The following EYA1 variants were observed in gnomAD, a reference collection of about 807,000 sequenced individuals.
The protein encoded by EYA1 is EYA transcriptional coactivator and phosphatase 1.
Under a neutral mutation model 82.0 loss-of-function variants are expected in EYA1, and 16 were observed. The ratio of observed to expected loss-of-function variants is 0.20; its 90% CI spans 0.13 to 0.30. EYA1 has a LOEUF of 0.30. EYA1 is among the 10% of genes least tolerant of loss of function. The pLI, the probability that EYA1 is intolerant of heterozygous loss-of-function variation, is 1.00. For missense variants in EYA1, 633 were observed against 730.7 expected, an observed-to-expected ratio of 0.87 and a Z score of 1.54; for synonymous variants, 261 against 264.4, an observed-to-expected ratio of 0.99 and a Z score of 0.12.
intron 2 of EYA1, among the ~76,000 whole-genome samples, chr8:71,434,852 A>C (rs1805887043): frequency 6.6e-6 from 1 of 152,150 alleles, no homozygotes; most frequent in Non-Finnish European, 1.5e-5. Flanking sequence ...ACGGGAGGGA[A>C]TACAAGTTTT....
intron 2 of EYA1, among the ~76,000 whole-genome samples, chr8:71,468,845 A>T (rs1808968108): frequency 6.6e-6 from 1 of 152,072 alleles, no homozygotes; most frequent in Non-Finnish European, 1.5e-5. Context: ...TACTTATCAA[A>T]TTTTTACATT....
chr8:71,460,088 C>T (rs1033331100), intron 2 of EYA1, among the ~76,000 whole-genome samples: 1 of 152,126 alleles, frequency 6.6e-6, no homozygotes, highest in Admixed American at 6.5e-5. Context: ...ATTTTTTGCG[C>T]CCCCAGCATT....
intron 6 of EYA1, among the ~76,000 whole-genome samples, chr8:71,318,271 G>C (rs1257349180): frequency 6.6e-6 from 1 of 152,088 alleles, no homozygotes; most frequent in Non-Finnish European, 1.5e-5. Flanking sequence ...TGAATATCTA[G>C]GTCCTATCAG....
chr8:71,233,441 G>T (rs184743089), intron 12 of EYA1, among the ~76,000 whole-genome samples: 1 of 151,938 alleles, frequency 6.6e-6, no homozygotes, highest in Non-Finnish European at 1.5e-5. Context: ...GTGGGCGCCT[G>T]TATTCCCAGC....
At chr8:71,302,519 A>T (rs1284320454) in intron 7 of EYA1, among the ~76,000 whole-genome samples, 5 of 100,872 alleles carry the variant, frequency 5.0e-5, no homozygotes, top group South Asian at 3.1e-4. Flanking sequence ...GCAGGCTGAG[A>T]TTCCATTCCA....
At chr8:71,389,686 G>T (rs1361840421) in intron 2 of EYA1, among the ~76,000 whole-genome samples, 1 of 152,174 alleles carries the variant, frequency 6.6e-6, no homozygotes, top group Non-Finnish European at 1.5e-5. Flanking sequence ...ATGTACGACT[G>T]GTGACAGATA....
chr8:71,428,189 C>T (rs78180405), intron 2 of EYA1, among the ~76,000 whole-genome samples: 18 of 152,034 alleles, frequency 1.2e-4, no homozygotes, highest in African/African-American at 4.1e-4. Context: ...CTTTGGTTAA[C>T]GTTATTTTGT....
At position 71,199,173 on chromosome 8, in the gene EYA1, C is replaced by T. The variant is rs1004236880; in HGVS notation, c.*167G>A. ...TCAACAGCTGTTCTGATGAAATAGA[C>T]GTGGTCCTCCATTCACCACAAAGGC... On this transcript the variant is annotated 3_prime_UTR_variant, in exon 18 of 18. Transcript: ENST00000340726. 1.5e-5 allele frequency: 10 copies of T among 676,486 alleles called. No homozygotes were observed. Among genetic ancestry groups the T allele is most frequent in the Admixed American group, 1.0e-4 (5 of 48,830 alleles). 41.9% of individuals were successfully genotyped at this position (676,486 alleles called of 1,614,324 possible). A position where few individuals can be genotyped will look rare whatever the true frequency, so the allele number is the denominator to read the frequency against.
intron 2 of EYA1, among the ~76,000 whole-genome samples, chr8:71,460,075 A>G (rs1364458534): frequency 1.3e-5 from 2 of 152,226 alleles, no homozygotes; most frequent in Non-Finnish European, 2.9e-5. Context: ...AAAGCATTTG[A>G]ACATTTTTTG....
At chr8:71,458,665 G>A (rs1808139670) in intron 2 of EYA1, among the ~76,000 whole-genome samples, 1 of 152,164 alleles carries the variant, frequency 6.6e-6, no homozygotes, top group South Asian at 2.1e-4. Flanking sequence ...TGTTAAAAGG[G>A]ACTCCAAGGT....
At chr8:71,233,376 A>G (rs569723273) in intron 12 of EYA1, among the ~76,000 whole-genome samples, 1 of 152,166 alleles carries the variant, frequency 6.6e-6, no homozygotes, top group Non-Finnish European at 1.5e-5. Flanking sequence ...CATCCTGGCT[A>G]ACACAGTGAA....
rs548321447 is a variant in EYA1, at chr8:71,282,153, G to A, written c.827-10256C>T. 3.3e-5 allele frequency among the ~76,000 whole-genome samples: 5 copies of A among 152,216 alleles called. No homozygotes were observed. The South Asian group carries it at 1.0e-3, about 32-fold the overall frequency. On this transcript the variant is annotated intron_variant, in intron 9 of 17. Coordinates refer to ENST00000340726, the MANE Select transcript of EYA1 (RefSeq NM_000503.6). ...AGTCTGCCTCCCCTCAGGTTATGAT[G>A]GGTGGACCTTCTGCACTCCTAAGGC...
intron 3 of EYA1, among the ~76,000 whole-genome samples, chr8:71,349,060 C>G (rs1045086752): frequency 6.6e-6 from 1 of 152,190 alleles, no homozygotes; most frequent in Non-Finnish European, 1.5e-5. Flanking sequence ...CATTTGATCT[C>G]AGAGAGGCTT....
At chr8:71,252,218 C>G (rs535820173) in intron 11 of EYA1, among the ~76,000 whole-genome samples, 5 of 152,018 alleles carry the variant, frequency 3.3e-5, no homozygotes, top group South Asian at 2.1e-4. Flanking sequence ...TCACACACAC[C>G]AGATGAAGGC....
intron 3 of EYA1, chr8:71,334,391 C>A: frequency 3.3e-6 from 2 of 609,682 alleles, no homozygotes; most frequent in Non-Finnish European, 5.9e-6. Flanking sequence ...ACAAGTTACC[C>A]TTTAAAAGCA....
chr8:71,268,625 T>A (rs572476181), intron 11 of EYA1, among the ~76,000 whole-genome samples: 1 of 152,326 alleles, frequency 6.6e-6, no homozygotes, highest in Admixed American at 6.5e-5. Flanking sequence ...TGAGACATAC[T>A]GTGTTTTACC....
At chr8:71,318,466 T>C (rs1822168717) in intron 6 of EYA1, among the ~76,000 whole-genome samples, 1 of 152,196 alleles carries the variant, frequency 6.6e-6, no homozygotes, top group Non-Finnish European at 1.5e-5. Flanking sequence ...ATAAAAATGA[T>C]GTATCTGTGG....
intron 3 of EYA1, among the ~76,000 whole-genome samples, chr8:71,347,293 A>G (rs1284035327): frequency 6.6e-6 from 1 of 151,798 alleles, no homozygotes; most frequent in Non-Finnish European, 1.5e-5. Context: ...GAGGTGCCTA[A>G]AAGTTACCCT....
intron 2 of EYA1, among the ~76,000 whole-genome samples, chr8:71,481,735 G>T (rs796929653): frequency 9.2e-5 from 14 of 152,182 alleles, no homozygotes; most frequent in African/African-American, 3.4e-4. Flanking sequence ...CCTGCAAATG[G>T]CCAGCAGCAG....
Sources: allele counts gnomAD v4.1 joint callset (sites outside exome capture counted in the v4.1 genomes callset), GRCh38; gene constraint gnomAD v4.1.1; transcripts MANE v1.5; gene names NCBI Gene and HGNC (gene_info 2026-07-23, HGNC 2026-07-21).